Variants in IQGAP1 observed in about 807,000 individuals in gnomAD.
IQGAP1 encodes the protein ras GTPase-activating-like protein IQGAP1.
IQGAP1 carries 66 observed loss-of-function variants against 215.6 expected under a neutral mutation model. That is an observed-to-expected ratio of 0.31 (90% CI 0.25 to 0.38). IQGAP1 has a LOEUF of 0.38. Among genes scored for constraint, IQGAP1 ranks in the 10% least tolerant of loss-of-function variants. The pLI is 1.00. For missense variants in IQGAP1, 1,712 were observed against 1,997.1 expected (o/e 0.86, Z 2.72); for synonymous variants, 772 against 728.7 (o/e 1.06, Z -0.96).
At chr15:90,469,935 G>C (rs1194260818) in intron 18 of IQGAP1, among the ~76,000 whole-genome samples, 2 of 152,188 alleles carry the variant, frequency 1.3e-5, no homozygotes, top group East Asian at 3.9e-4. Flanking sequence ...GGCCCAGGTT[G>C]AAGCTTGAGG....
At chr15:90,396,050 C>T (rs1476258063) in intron 2 of IQGAP1, among the ~76,000 whole-genome samples, 1 of 152,152 alleles carries the variant, frequency 6.6e-6, no homozygotes, top group Non-Finnish European at 1.5e-5. Context: ...GTCAGCAACT[C>T]CACGGTGATA....
intron 2 of IQGAP1, among the ~76,000 whole-genome samples, chr15:90,403,842 T>G (rs1964839009): frequency 6.6e-6 from 1 of 152,152 alleles, no homozygotes; most frequent in Non-Finnish European, 1.5e-5. Context: ...GCCTGGCTAA[T>G]TTTTGTATTT....
At chr15:90,411,807 GGATA>G (rs1444037108) in intron 2 of IQGAP1, among the ~76,000 whole-genome samples, 31 of 152,290 alleles carry the variant, frequency 2.0e-4, no homozygotes, top group African/African-American at 6.3e-4. Flanking sequence ...AGGGATGGAT[GGATA>G]GATAGACAGC....
At chr15:90,498,970 C>T (rs1966308417) in intron 37 of IQGAP1, among the ~76,000 whole-genome samples, 1 of 152,172 alleles carries the variant, frequency 6.6e-6, no homozygotes, top group Non-Finnish European at 1.5e-5. Context: ...CCACCACGCC[C>T]CAACGCCCAG....
In IQGAP1 at chr15:90,473,709, T is replaced by TAACA. The variant is rs1283664306; in HGVS notation, c.2350-6_2350-5insAACA. 1 of 1,596,838 alleles carries TAACA rather than the reference T, an allele frequency of 6.3e-7. No homozygotes were observed. The highest frequency in any genetic ancestry group is 8.6e-7 in the Non-Finnish European group (1 of 1,165,920). ...ATATGTCTTCTGTAACATTTGACTG[T>TAACA]TTCAGTCACAGTGGAGAGGATACAA... is the stretch of plus-strand genomic sequence containing the variant. On this transcript the variant is annotated splice_region_variant and splice_polypyrimidine_tract_variant and intron_variant, in intron 19 of 37. Coordinates refer to ENST00000268182, the MANE Select transcript of IQGAP1 (RefSeq NM_003870.4).
chr15:90,447,571 CTG>C (rs1357038278), intron 9 of IQGAP1, among the ~76,000 whole-genome samples: 1 of 151,940 alleles, frequency 6.6e-6, no homozygotes, highest in Non-Finnish European at 1.5e-5. Context: ...AGATGTTTAT[CTG>C]TGAGTGGTGG....
chr15:90,467,423 T>C, intron 17 of IQGAP1, 27 bp from the exon 18 acceptor site: 1 of 1,601,328 alleles, frequency 6.2e-7, no homozygotes, highest in South Asian at 1.1e-5. Flanking sequence ...TCTGGATGTC[T>C]TCTATCTTTC....
chr15:90,443,583 A>G lies in IQGAP1; in HGVS notation c.913+105A>G, dbSNP rs1273832007. On this transcript the variant is annotated intron_variant, in intron 9 of 37. Transcript: ENST00000268182. ...ATAGTTTGATTTACTTACTTTAGACATTCGTGGATTTGTTTAGCAATAATT... is the reference window on the plus strand; with the variant it reads ...ATAGTTTGATTTACTTACTTTAGACGTTCGTGGATTTGTTTAGCAATAATT... The G allele has an allele frequency of 4.6e-6, 3 of 648,368 alleles. No individual in the cohort carries two copies. In the Admixed American group the frequency reaches 9.1e-5, roughly 20 times the overall value. 40.2% of individuals were successfully genotyped at this position (648,368 alleles called of 1,614,324 possible). A position where few individuals can be genotyped will look rare whatever the true frequency, so the allele number is the denominator to read the frequency against.
Position 90,396,492 on chromosome 15 carries a change from G to T in IQGAP1, c.155+5619G>T, listed in dbSNP as rs189134816. On this transcript the variant is annotated intron_variant, in intron 2 of 37. Transcript: ENST00000268182. ...CTAGTTATCTCATGAGACCCAGTGTGACTAAAGGACCATAGCATGTAGCTG... is the reference window on the plus strand; with the variant it reads ...CTAGTTATCTCATGAGACCCAGTGTTACTAAAGGACCATAGCATGTAGCTG... 2.6e-5 allele frequency among the ~76,000 whole-genome samples: 4 copies of T among 152,242 alleles called. No homozygotes were observed. The East Asian group carries it at 7.7e-4, about 29-fold the overall frequency.
chr15:90,423,672 T>A (rs1965180205), intron 2 of IQGAP1, among the ~76,000 whole-genome samples: 1 of 152,238 alleles, frequency 6.6e-6, no homozygotes, highest in South Asian at 2.1e-4. Flanking sequence ...CAATGTATTT[T>A]GCCTCCCTGT....
chr15:90,465,715 A>G lies in IQGAP1; in HGVS notation c.1777-286A>G, dbSNP rs181706376. On this transcript the variant is annotated intron_variant, in intron 15 of 37. Coordinates refer to ENST00000268182, the MANE Select transcript of IQGAP1 (RefSeq NM_003870.4). ...TTTGTTTGTTTGTTTGTTTTTAGAG[A>G]GACGGGGTCTCACTATGTTGCCCAG... is the stretch of plus-strand genomic sequence containing the variant. Among the ~76,000 whole-genome samples, 1,311 of 150,440 alleles carry G rather than the reference A, an allele frequency of 8.7e-3. 13 individuals are homozygous for G. The highest frequency in any genetic ancestry group is 0.03 in the African/African-American group (1,219 of 40,402).
intron 1 of IQGAP1, among the ~76,000 whole-genome samples, chr15:90,390,082 G>A (rs1250910116): frequency 6.6e-6 from 1 of 152,222 alleles, no homozygotes; most frequent in Non-Finnish European, 1.5e-5. Flanking sequence ...AGACTGCACA[G>A]TGGTGGGAGG....
intron 9 of IQGAP1, among the ~76,000 whole-genome samples, chr15:90,445,626 C>A (rs1452592646): frequency 6.6e-6 from 1 of 152,086 alleles, no homozygotes; most frequent in Non-Finnish European, 1.5e-5. Context: ...TTTAGACTCA[C>A]CAAAAAAACT....
In IQGAP1 at chr15:90,473,944, C is replaced by T. The variant is rs760590112; in HGVS notation, c.2482C>T (p.Arg828Cys). The change falls in exon 21 of 38, where the codon CGC becomes TGC. Residue 828 changes from arginine (R) to cysteine (C), a missense_variant. Physicochemically the swap from Arg to Cys is radical, Grantham distance 180. This residue lies in a region of IQGAP1 where 1,021 missense variants were observed against 1,074.2 expected (regional missense o/e 0.95). Transcript: ENST00000268182. ...MHQARKRYRDRLQYFRDHIND... is the reference protein window; with the variant it reads ...MHQARKRYRDCLQYFRDHIND... ...CCAAGCTCGAAAGCGCTATCGAGAT[C>T]GCCTGCAGTACTTCCGGGACCATGT... 5.0e-6 allele frequency: 8 copies of T among 1,613,992 alleles called. No individual in the cohort carries two copies. The highest frequency in any genetic ancestry group is 2.2e-5 in the South Asian group (2 of 91,070).
intron 9 of IQGAP1, among the ~76,000 whole-genome samples, chr15:90,448,091 A>AG (rs1319710373): frequency 6.6e-6 from 1 of 152,196 alleles, no homozygotes; most frequent in Non-Finnish European, 1.5e-5. Context: ...TGTCATAGGG[A>AG]GGGGCAGTGG....
At chr15:90,467,347 C>G in intron 17 of IQGAP1, 103 bp from the exon 18 acceptor site, 1 of 1,192,870 alleles carries the variant, frequency 8.4e-7, no homozygotes, top group Admixed American at 2.6e-5. Flanking sequence ...TTGGAGTGGT[C>G]TTCATTTAGA....
rs869037347 is a variant in IQGAP1 at position 90,450,330 on chromosome 15, CTTTTTTTTTTTTTTTTTTTTTT to C, written c.1162+699_1162+720del. 5.5e-5 allele frequency among the ~76,000 whole-genome samples: 3 copies of C among 54,424 alleles called. 1 individual carries two copies. Among genetic ancestry groups the C allele is most frequent in the African/African-American group, 7.9e-5 (1 of 12,716 alleles). The allele number at this position is 54,424 out of a possible 152,430, so 35.7% of individuals were successfully genotyped here. On this transcript the variant is annotated intron_variant, in intron 11 of 37. Coordinates refer to ENST00000268182, the MANE Select transcript of IQGAP1 (RefSeq NM_003870.4). ...ATATTCCATTATGTGTATACACTAC[CTTTTTTTTTTTTTTTTTTTTTT>C]TTTTTTTTTTTACCATTTATTCATT... is the stretch of plus-strand genomic sequence containing the variant.
At chr15:90,395,703 A>G (rs1964709362) in intron 2 of IQGAP1, among the ~76,000 whole-genome samples, 1 of 152,228 alleles carries the variant, frequency 6.6e-6, no homozygotes, top group African/African-American at 2.4e-5. Context: ...AGGTATGTTC[A>G]GTGCTTAGGT....
chr15:90,446,254 A>T (rs569755716), intron 9 of IQGAP1, among the ~76,000 whole-genome samples: 1 of 152,278 alleles, frequency 6.6e-6, no homozygotes, highest in Non-Finnish European at 1.5e-5. Context: ...TGCTAATTGT[A>T]TAAGAATCAG....
Sources: gnomAD v4.1 joint callset for allele counts (sites outside exome capture counted in the v4.1 genomes callset) on GRCh38, gnomAD v4.1.1 for gene constraint, gnomAD v4.1.1 regional missense constraint, MANE v1.5 for transcripts, NCBI Gene and HGNC (gene_info 2026-07-23, HGNC 2026-07-21) for gene names.